GBE1: variants seen among roughly 807,000 people sequenced by gnomAD.
The protein encoded by GBE1 is 1,4-alpha-glucan branching enzyme 1.
A neutral mutation model predicts 88.8 loss-of-function variants in GBE1; 70 were observed. That is an observed-to-expected ratio of 0.79 (90% CI 0.65 to 0.96). The LOEUF is 0.96. Among genes scored for constraint, GBE1 ranks in the 40% least tolerant of loss-of-function variants. The pLI, the probability that GBE1 is intolerant of heterozygous loss-of-function variation, is 0.00. For synonymous variants in GBE1, 284 were observed against 300.1 expected, an observed-to-expected ratio of 0.95 and a Z score of 0.56; for missense variants, 872 against 871.0, an observed-to-expected ratio of 1.00 and a Z score of -0.01.
intron 1 of GBE1, among the ~76,000 whole-genome samples, chr3:81,731,603 G>A (rs1484046809): frequency 2.0e-5 from 3 of 152,122 alleles, no homozygotes; most frequent in Non-Finnish European, 4.4e-5. Context: ...TGTTGGAGGA[G>A]GGGCCTGGTG....
rs180977763 is a variant in GBE1 at position 81,750,467 on chromosome 3, C to G, written c.143+10908G>C. Among the ~76,000 whole-genome samples, 839 of 142,730 alleles carry G rather than the reference C, an allele frequency of 5.9e-3. 6 individuals carry two copies. The highest frequency in any genetic ancestry group is 9.6e-3 in the Non-Finnish European group (636 of 66,504). 93.6% of individuals were successfully genotyped at this position (142,730 alleles called of 152,430 possible). A position where few individuals can be genotyped will look rare whatever the true frequency, so the allele number is the denominator to read the frequency against. On this transcript the variant is annotated intron_variant, in intron 1 of 15. Transcript: ENST00000429644. ...AAAACTGACCATTTTTTCATGAGCC[C>G]AAGATAAGATGAAAAAATTATTAGT...
chr3:81,572,406 G>C (rs1001898720), intron 12 of GBE1, among the ~76,000 whole-genome samples: 2 of 152,112 alleles, frequency 1.3e-5, no homozygotes, highest in African/African-American at 4.8e-5. Flanking sequence ...AGATCTTTCT[G>C]AGAAGCCAGA....
intron 1 of GBE1, among the ~76,000 whole-genome samples, chr3:81,750,631 G>A (rs1252241987): frequency 2.3e-4 from 6 of 26,278 alleles, no homozygotes; most frequent in Admixed American, 1.0e-3. Context: ...ATATATATAC[G>A]TATATATATA....
At chr3:81,668,589 C>T (rs1173166262) in intron 3 of GBE1, among the ~76,000 whole-genome samples, 1 of 151,890 alleles carries the variant, frequency 6.6e-6, no homozygotes, top group Non-Finnish European at 1.5e-5. Context: ...CTTGAGCTAA[C>T]AAAGCAAAAA....
At chr3:81,564,509 CT>C (rs139285209) in intron 12 of GBE1, among the ~76,000 whole-genome samples, 1,542 of 152,120 alleles carry the variant, frequency 0.01, 14 homozygotes, top group African/African-American at 0.025. Context: ...TCAGTTGCTT[CT>C]TTTTTTCCTC....
intron 1 of GBE1, among the ~76,000 whole-genome samples, chr3:81,709,745 C>A (rs1705830365): frequency 6.6e-6 from 1 of 152,138 alleles, no homozygotes; most frequent in Non-Finnish European, 1.5e-5. Flanking sequence ...TGACTTCCCT[C>A]AAGGTCAGCC....
At chr3:81,631,204 TAAAAAGAA>T (rs1704503345) in intron 7 of GBE1, among the ~76,000 whole-genome samples, 1 of 151,742 alleles carries the variant, frequency 6.6e-6, no homozygotes, top group Non-Finnish European at 1.5e-5. Context: ...ACTCTCTCTT[TAAAAAGAA>T]AAAAAGAAAG....
At chr3:81,752,215 A>G (rs923215599) in intron 1 of GBE1, among the ~76,000 whole-genome samples, 7 of 152,214 alleles carry the variant, frequency 4.6e-5, no homozygotes, top group Admixed American at 4.6e-4. Context: ...AAAAAAAGAG[A>G]AGGCAGAATA....
At chr3:81,500,846 CTTCT>C (rs1464995041) in intron 14 of GBE1, among the ~76,000 whole-genome samples, 2 of 152,152 alleles carry the variant, frequency 1.3e-5, no homozygotes, top group East Asian at 1.9e-4. Flanking sequence ...ATATTGTTCC[CTTCT>C]TTGTGTCCAT....
intron 2 of GBE1, among the ~76,000 whole-genome samples, chr3:81,683,327 C>T (rs114543954): frequency 0.028 from 4,302 of 152,014 alleles, 221 homozygotes; most frequent in African/African-American, 0.094. Flanking sequence ...AGCTTTTGCC[C>T]TAGAATAAAA....
chr3:81,564,319 T>C (rs919456736), intron 12 of GBE1, among the ~76,000 whole-genome samples: 2 of 152,182 alleles, frequency 1.3e-5, no homozygotes, highest in Admixed American at 1.3e-4. Context: ...TGTATTCCTA[T>C]GGTTCTCACT....
intron 14 of GBE1, among the ~76,000 whole-genome samples, chr3:81,532,187 T>A (rs964292540): frequency 6.6e-6 from 1 of 151,978 alleles, no homozygotes; most frequent in Non-Finnish European, 1.5e-5. Flanking sequence ...TGAGGTACTA[T>A]GATTGCTGAC....
intron 12 of GBE1, among the ~76,000 whole-genome samples, chr3:81,539,716 A>G (rs982381815): frequency 6.6e-6 from 1 of 151,998 alleles, no homozygotes; most frequent in Non-Finnish European, 1.5e-5. Context: ...TCGGAATGCA[A>G]TTTTGAAGTT....
intron 1 of GBE1, among the ~76,000 whole-genome samples, chr3:81,721,347 C>G (rs1368983550): frequency 2.7e-5 from 4 of 149,730 alleles, no homozygotes; most frequent in Non-Finnish European, 3.0e-5. Flanking sequence ...GTAGCCTATT[C>G]AACATCAGTA....
At chr3:81,611,657 A>G (rs552797125) in intron 7 of GBE1, among the ~76,000 whole-genome samples, 1 of 152,340 alleles carries the variant, frequency 6.6e-6, no homozygotes, top group South Asian at 2.1e-4. Context: ...TAGGGATGCT[A>G]AAGAAAAGAC....
chr3:81,590,914 C>T (rs2106951898), intron 9 of GBE1, 123 bp downstream of exon 9: 1 of 779,496 alleles, frequency 1.3e-6, no homozygotes, highest in Non-Finnish European at 1.9e-6. Context: ...CTGCACTATA[C>T]TCAGGGTAGA....
intron 7 of GBE1, among the ~76,000 whole-genome samples, chr3:81,639,376 ACTCT>A (rs1355134220): frequency 6.6e-6 from 1 of 151,954 alleles, no homozygotes; most frequent in Non-Finnish European, 1.5e-5. Context: ...TTCAGACATA[ACTCT>A]CTGATAATTC....
intron 2 of GBE1, among the ~76,000 whole-genome samples, chr3:81,695,426 T>C (rs994808155): frequency 6.6e-6 from 1 of 152,204 alleles, no homozygotes; most frequent in Non-Finnish European, 1.5e-5. Context: ...TTATATGACA[T>C]GTCCAGAATA....
chr3:81,745,275 TTAAG>T (rs1706405437), intron 1 of GBE1, among the ~76,000 whole-genome samples: 1 of 152,210 alleles, frequency 6.6e-6, no homozygotes, highest in African/African-American at 2.4e-5. Context: ...CACCAAAAAA[TTAAG>T]TAACTTGGTT....
Sources: allele counts gnomAD v4.1 joint callset (sites outside exome capture counted in the v4.1 genomes callset), GRCh38; gene constraint gnomAD v4.1.1; transcripts MANE v1.5; gene names NCBI Gene and HGNC (gene_info 2026-07-23, HGNC 2026-07-21).